IGF2R: variants seen among roughly 807,000 people sequenced by gnomAD.
IGF2R encodes cation-independent mannose-6-phosphate receptor.
In IGF2R, 91 loss-of-function variants were observed where a neutral mutation model predicts 270.6. The ratio of observed to expected loss-of-function variants is 0.34; its 90% CI spans 0.28 to 0.40. IGF2R has a LOEUF of 0.40. Ranked by LOEUF, IGF2R falls within the 10% of genes least tolerant of loss-of-function variation. IGF2R has a pLI of 1.00. For synonymous variants in IGF2R, 1,316 were observed against 1,258.9 expected (o/e 1.05, Z -0.96); for missense variants, 2,805 against 3,188.3 (o/e 0.88, Z 2.90).
chr6:160,003,000 G>A (rs1784153116), intron 2 of IGF2R, among the ~76,000 whole-genome samples: 1 of 152,136 alleles, frequency 6.6e-6, no homozygotes, highest in African/African-American at 2.4e-5. Flanking sequence ...ACTCACTAAG[G>A]AACAGTGTTA....
intron 1 of IGF2R, among the ~76,000 whole-genome samples, chr6:159,979,111 C>A (rs1249920811): frequency 6.6e-6 from 1 of 152,210 alleles, no homozygotes; most frequent in African/African-American, 2.4e-5. Flanking sequence ...CTGCCACCTT[C>A]TTCATGCCTG....
At chr6:159,994,673 A>C (rs1442569698) in intron 2 of IGF2R, among the ~76,000 whole-genome samples, 1 of 151,918 alleles carries the variant, frequency 6.6e-6, no homozygotes, top group Non-Finnish European at 1.5e-5. Context: ...AAATTTTTAC[A>C]TTTCATCCTA....
intron 5 of IGF2R, among the ~76,000 whole-genome samples, chr6:160,025,405 T>C (rs1242838639): frequency 6.6e-6 from 1 of 152,244 alleles, no homozygotes; most frequent in African/African-American, 2.4e-5. Flanking sequence ...TTAACTAATC[T>C]AAAGGTCATT....
chr6:160,061,077 C>T (rs778432582), intron 23 of IGF2R, among the ~76,000 whole-genome samples: 1 of 152,164 alleles, frequency 6.6e-6, no homozygotes, highest in South Asian at 2.1e-4. Context: ...TAAGCTGTGC[C>T]CTGGAAGCTG....
chr6:159,991,372 T>A, intron 2 of IGF2R, 49 bp downstream of exon 2: 1 of 1,578,722 alleles, frequency 6.3e-7, no homozygotes, highest in South Asian at 1.2e-5. Context: ...GATTCCCCAA[T>A]TTTGCAAAAA....
chr6:159,989,200 G>GT (rs954535155), intron 1 of IGF2R, among the ~76,000 whole-genome samples: 6 of 152,160 alleles, frequency 3.9e-5, no homozygotes, highest in Admixed American at 1.3e-4. Flanking sequence ...TGGCAGGGGG[G>GT]TTTGATGGGT....
chr6:160,048,677 G>A, intron 18 of IGF2R, 134 bp downstream of exon 18: 2 of 803,376 alleles, frequency 2.5e-6, no homozygotes, highest in East Asian at 2.7e-5. Flanking sequence ...TAGGAGTGGG[G>A]CCTCCATGTG....
intron 45 of IGF2R, among the ~76,000 whole-genome samples, chr6:160,100,101 C>A (rs1412807426): frequency 6.6e-6 from 1 of 151,898 alleles, no homozygotes; most frequent in Non-Finnish European, 1.5e-5. Flanking sequence ...AAAAATAAAA[C>A]AAAAATCAGA....
intron 19 of IGF2R, among the ~76,000 whole-genome samples, chr6:160,056,193 G>A (rs201699847): frequency 2.0e-5 from 3 of 152,246 alleles, no homozygotes; most frequent in East Asian, 3.9e-4. Context: ...CTGCTGGCAC[G>A]ATTTCTATAT....
chr6:160,081,167 C>A (rs887662515), intron 39 of IGF2R, among the ~76,000 whole-genome samples: 1 of 151,678 alleles, frequency 6.6e-6, no homozygotes, highest in Non-Finnish European at 1.5e-5. Context: ...CATAAATGTC[C>A]AGTATCGGGG....
intron 10 of IGF2R, among the ~76,000 whole-genome samples, chr6:160,039,812 C>T (rs538589362): frequency 6.6e-6 from 1 of 152,220 alleles, no homozygotes; most frequent in South Asian, 2.1e-4. Context: ...TCTCAGCGTC[C>T]ATGGGATGGG....
At chr6:160,051,365 A>T (rs1318989599) in intron 19 of IGF2R, among the ~76,000 whole-genome samples, 2 of 152,134 alleles carry the variant, frequency 1.3e-5, no homozygotes, top group African/African-American at 4.8e-5. Context: ...CTTTTGTGGG[A>T]TAGATAATGA....
intron 2 of IGF2R, chr6:160,005,729 A>ATCCCCCCCCCCCCCCCC (rs1784211864): frequency 3.5e-5 from 1 of 28,410 alleles, no homozygotes; most frequent in Non-Finnish European, 7.1e-5. Context: ...GCCGCCCCCC[A>ATCCCCCCCCCCCCCCCC]TCCCCCACCC....
chr6:160,076,793 A>G (rs1018385957), intron 36 of IGF2R, among the ~76,000 whole-genome samples: 1 of 152,110 alleles, frequency 6.6e-6, no homozygotes, highest in Non-Finnish European at 1.5e-5. Context: ...TAATGTGGAT[A>G]TTGATACATC....
Position 160,080,133 on chromosome 6 carries a change from C to A in IGF2R, c.5691C>A (p.Thr1897=). The A allele has an allele frequency of 1.2e-6, 2 of 1,613,952 alleles. No individual in the cohort carries two copies. Among genetic ancestry groups the A allele is most frequent in the South Asian group, 2.2e-5 (2 of 91,046 alleles). The change falls in exon 39 of 48, where the codon ACC becomes ACA. Residue 1897 remains threonine, a synonymous_variant. Coordinates refer to ENST00000356956, the MANE Select transcript of IGF2R (RefSeq NM_000876.4). Reference sequence around the variant, plus strand: ...TAATGTTCTTCTTCTTTCCAGAAACCGATGACGGCGTCCCCTGTGTCTTCC... The same window carrying A: ...TAATGTTCTTCTTCTTTCCAGAAACAGATGACGGCGTCCCCTGTGTCTTCC... ...YVNGDRCPPE[T]DDGVPCVFPF... is the part of the protein sequence containing the mutation.
chr6:160,018,597 A>G (rs925117319), intron 4 of IGF2R, among the ~76,000 whole-genome samples: 2 of 152,216 alleles, frequency 1.3e-5, no homozygotes, highest in African/African-American at 4.8e-5. Flanking sequence ...ATAAATTGAA[A>G]AAAACCAAAA....
chr6:160,045,459 T>A (rs1327383337), intron 13 of IGF2R, among the ~76,000 whole-genome samples: 2 of 152,218 alleles, frequency 1.3e-5, no homozygotes, highest in East Asian at 3.9e-4. Flanking sequence ...ACCACCACCA[T>A]CCATCTCCAG....
chr6:160,074,039 T>C (rs1778804453), intron 35 of IGF2R, 64 bp downstream of exon 35: 2 of 1,206,748 alleles, frequency 1.7e-6, no homozygotes. Flanking sequence ...AACCTTTGCG[T>C]TGTTTCTTGC....
chr6:160,071,060 G>A (rs77730824), intron 31 of IGF2R, among the ~76,000 whole-genome samples: 2 of 149,366 alleles, frequency 1.3e-5, no homozygotes, highest in Non-Finnish European at 3.0e-5. Flanking sequence ...TGGGAGGGAA[G>A]GGTGAAGGGG....
Sources: allele counts gnomAD v4.1 joint callset (sites outside exome capture counted in the v4.1 genomes callset), GRCh38; gene constraint gnomAD v4.1.1; transcripts MANE v1.5; gene names NCBI Gene and HGNC (gene_info 2026-07-23, HGNC 2026-07-21).